Variants in ADAM10 observed in about 807,000 individuals in gnomAD.
ADAM10 encodes disintegrin and metalloproteinase domain-containing protein 10.
Under a neutral mutation model 90.1 loss-of-function variants are expected in ADAM10, and 17 were observed. The observed-to-expected ratio is 0.19, with a 90% confidence interval of 0.13 to 0.28. The LOEUF (loss-of-function observed/expected upper bound fraction) is 0.28, where lower values mean the gene tolerates loss of function less well. Ranked by LOEUF, ADAM10 falls within the 10% of genes least tolerant of loss-of-function variation. ADAM10 has a pLI of 1.00. For synonymous variants in ADAM10, 310 were observed against 298.6 expected, an observed-to-expected ratio of 1.04 and a Z score of -0.40; for missense variants, 610 against 914.3, an observed-to-expected ratio of 0.67 and a Z score of 4.29.
At chr15:58,655,710 A>ATTATAT (rs1566982335) in intron 5 of ADAM10, among the ~76,000 whole-genome samples, 1 of 44,204 alleles carries the variant, frequency 2.3e-5, no homozygotes, top group South Asian at 8.8e-4. Flanking sequence ...ATATATATAT[A>ATTATAT]GTATATATAT....
At chr15:58,682,686 G>A (rs1897473158) in intron 2 of ADAM10, among the ~76,000 whole-genome samples, 1 of 152,054 alleles carries the variant, frequency 6.6e-6, no homozygotes, top group African/African-American at 2.4e-5. Context: ...TAGTAATTCT[G>A]CTATTTTGCT....
At chr15:58,654,097 T>C (rs1896753315) in intron 5 of ADAM10, among the ~76,000 whole-genome samples, 1 of 152,086 alleles carries the variant, frequency 6.6e-6, no homozygotes, top group African/African-American at 2.4e-5. Flanking sequence ...GGTCTTTTTT[T>C]TTTCTTAGTC....
intron 10 of ADAM10, among the ~76,000 whole-genome samples, chr15:58,627,220 T>C (rs1392985640): frequency 2.0e-5 from 3 of 152,096 alleles, no homozygotes; most frequent in African/African-American, 4.8e-5. Flanking sequence ...ACAAAGCCAA[T>C]GTAGAGTGAA....
At chr15:58,735,687 C>A (rs1417413185) in intron 1 of ADAM10, among the ~76,000 whole-genome samples, 3 of 152,042 alleles carry the variant, frequency 2.0e-5, no homozygotes, top group Non-Finnish European at 4.4e-5. Flanking sequence ...TGAATTTTTT[C>A]ATTCGTGGTT....
rs749439192 is a variant in ADAM10, at chr15:58,621,262, C to CAAAAA, written c.1511+204_1511+208dup. On this transcript the variant is annotated intron_variant, in intron 11 of 15. Transcript: ENST00000260408. ...TGGGCAACAGAGCGAGACCCTGTCT[C>CAAAAA]AAAAAAAAAAAAAAAAAAAAAAAAA... is the stretch of plus-strand genomic sequence containing the variant. Among the ~76,000 whole-genome samples, 92 of 25,270 alleles carry CAAAAA rather than the reference C, an allele frequency of 3.6e-3. 10 individuals carry two copies. The highest frequency in any genetic ancestry group is 8.1e-3 in the African/African-American group (89 of 11,022). The allele number at this position is 25,270 out of a possible 152,430, so 16.6% of individuals were successfully genotyped here. A position where few individuals can be genotyped will look rare whatever the true frequency, so the allele number is the denominator to read the frequency against.
At position 58,685,544 on chromosome 15, in the gene ADAM10, G is replaced by GAATA. The variant is rs1897568195; in HGVS notation, c.207-3234_207-3231dup. On this transcript the variant is annotated intron_variant, in intron 2 of 15. Coordinates refer to ENST00000260408, the MANE Select transcript of ADAM10 (RefSeq NM_001110.4). ...TTTTTAAAAACAAGAATATGAAGGA[G>GAATA]AATATATATATATATATATATATAT... 6.1e-5 allele frequency among the ~76,000 whole-genome samples: 4 copies of GAATA among 65,876 alleles called. No individual in the cohort carries two copies. In the South Asian group the frequency reaches 2.2e-3, roughly 36 times the overall value. 43.2% of individuals were successfully genotyped at this position (65,876 alleles called of 152,430 possible). A position where few individuals can be genotyped will look rare whatever the true frequency, so the allele number is the denominator to read the frequency against.
chr15:58,698,406 TAAA>T (rs56797082), intron 2 of ADAM10: 489 of 201,094 alleles, frequency 2.4e-3, no homozygotes, highest in Middle Eastern at 6.1e-3. Flanking sequence ...ACCCCATCTC[TAAA>T]AAAAAAAAAA....
chr15:58,621,096 T>A (rs966911893), intron 11 of ADAM10, among the ~76,000 whole-genome samples: 2 of 148,518 alleles, frequency 1.3e-5, no homozygotes, highest in Middle Eastern at 3.4e-3. Context: ...ACTCTGTCTC[T>A]AAAAAAAAAT....
At chr15:58,726,880 G>A (rs1488756862) in intron 1 of ADAM10, among the ~76,000 whole-genome samples, 1 of 150,834 alleles carries the variant, frequency 6.6e-6, no homozygotes, top group African/African-American at 2.4e-5. Flanking sequence ...ATCTCCGAAG[G>A]GGAGGGGAGA....
At chr15:58,748,529 C>A in intron 1 of ADAM10, 1 of 162,820 alleles carries the variant, frequency 6.1e-6, no homozygotes, top group East Asian at 1.7e-4. Context: ...AAACCCGAAA[C>A]AAGAAATGAC....
At chr15:58,713,763 A>C (rs530490544) in intron 2 of ADAM10, among the ~76,000 whole-genome samples, 4 of 152,214 alleles carry the variant, frequency 2.6e-5, no homozygotes, top group African/African-American at 7.2e-5. Context: ...TTTTATTTTC[A>C]AACAACTTTA....
intron 8 of ADAM10, among the ~76,000 whole-genome samples, chr15:58,640,518 C>A (rs1297772370): frequency 5.3e-5 from 8 of 152,004 alleles, no homozygotes; most frequent in African/African-American, 1.7e-4. Flanking sequence ...ACCACTTTTT[C>A]TCATAAAATT....
Position 58,717,675 on chromosome 15 carries a change from A to G in ADAM10, c.108T>C (p.Ser36=). ...TTTGGTGTAATGAATCCACATTGTA[A>G]GATAATCCTTCATAATGTCTGATAT... ...NKYIRHYEGL[S]YNVDSLHQKH... is the part of the protein sequence containing the mutation. Residue 36 remains serine (S), a synonymous_variant, in exon 2 of 16, where the codon TCT becomes TCC. Coordinates refer to ENST00000260408, the MANE Select transcript of ADAM10 (RefSeq NM_001110.4). 6.2e-7 allele frequency: 1 copy of G among 1,613,828 alleles called. No individual in the cohort carries two copies.
rs1432095750 is a variant in ADAM10 at position 58,593,947 on chromosome 15, G to C, written c.*3600C>G. ...GAAACAATAGTGAAAAAACTAAACT[G>C]GTAATAAACGGAAAAGTATATCAAA... is the stretch of plus-strand genomic sequence containing the variant. On this transcript the variant is annotated 3_prime_UTR_variant, in exon 16 of 16. Transcript: ENST00000260408. 2 of 152,062 alleles carry C rather than the reference G, an allele frequency of 1.3e-5. No individual in the cohort carries two copies. The highest frequency in any genetic ancestry group is 2.9e-5 in the Non-Finnish European group (2 of 67,990). The allele number at this position is 152,062 out of a possible 1,614,324, so 9.4% of individuals were successfully genotyped here. A position where few individuals can be genotyped will look rare whatever the true frequency, so the allele number is the denominator to read the frequency against.
At chr15:58,677,850 G>A (rs1451831440) in intron 4 of ADAM10, among the ~76,000 whole-genome samples, 2 of 152,124 alleles carry the variant, frequency 1.3e-5, no homozygotes, top group Non-Finnish European at 2.9e-5. Flanking sequence ...CAATATTACA[G>A]GAGCAAAAGA....
At chr15:58,624,457 A>G (rs1324321401) in intron 10 of ADAM10, among the ~76,000 whole-genome samples, 1 of 152,260 alleles carries the variant, frequency 6.6e-6, no homozygotes, top group Non-Finnish European at 1.5e-5. Context: ...TATTTACTAC[A>G]TATTAATTTT....
At chr15:58,632,639 T>C (rs1199555778) in intron 9 of ADAM10, among the ~76,000 whole-genome samples, 15 of 152,232 alleles carry the variant, frequency 9.9e-5, no homozygotes, top group Non-Finnish European at 1.8e-4. Flanking sequence ...TTTGTTGCAC[T>C]ATTTGTTCTA....
At chr15:58,717,537 T>G (rs113312305) in intron 2 of ADAM10, 40 bp downstream of exon 2, 9 of 1,611,142 alleles carry the variant, frequency 5.6e-6, no homozygotes, top group Admixed American at 1.7e-5. Context: ...AGATTGAATA[T>G]AGAGGAACTT....
intron 10 of ADAM10, among the ~76,000 whole-genome samples, chr15:58,624,895 A>C (rs919410219): frequency 2.6e-5 from 4 of 152,078 alleles, no homozygotes; most frequent in Non-Finnish European, 5.9e-5. Context: ...TTTAAGAAAA[A>C]ATTTTCTTTC....
Sources: allele counts gnomAD v4.1 joint callset (sites outside exome capture counted in the v4.1 genomes callset), GRCh38; gene constraint gnomAD v4.1.1; transcripts MANE v1.5; gene names NCBI Gene and HGNC (gene_info 2026-07-23, HGNC 2026-07-21).